The following PXK variants were observed in gnomAD, a reference collection of about 807,000 sequenced individuals.
The protein encoded by PXK is PX domain-containing protein kinase-like protein.
PXK carries 35 observed loss-of-function variants against 84.7 expected under a neutral mutation model. That is an observed-to-expected ratio of 0.41 (90% CI 0.32 to 0.55). PXK has a LOEUF of 0.55. Ranked by LOEUF, PXK falls within the 20% of genes least tolerant of loss-of-function variation. The pLI is 0.21. For missense variants in PXK, 634 were observed against 699.7 expected (o/e 0.91, Z 1.06); for synonymous variants, 253 against 260.8 (o/e 0.97, Z 0.29).
chr3:58,423,605 C>T (rs1310139137), intron 17 of PXK: 1 of 1,504,222 alleles, frequency 6.6e-7, no homozygotes, highest in African/African-American at 1.4e-5. Context: ...TCCATACAAA[C>T]TTAAGTAGGG....
chr3:58,360,392 T>C (rs76337401), intron 1 of PXK, among the ~76,000 whole-genome samples: 2,810 of 152,282 alleles, frequency 0.018, 102 homozygotes, highest in African/African-American at 0.064. Context: ...CAGGTTAACG[T>C]CTCATTTGGC....
intron 1 of PXK, among the ~76,000 whole-genome samples, chr3:58,361,283 A>G: frequency 7.0e-6 from 1 of 142,538 alleles, no homozygotes; most frequent in African/African-American, 2.6e-5. Flanking sequence ...GTGACAGAGC[A>G]AGACTCTGTC....
chr3:58,425,503 C>T lies in PXK; in HGVS notation c.*543C>T, dbSNP rs971755426. On this transcript the variant is annotated 3_prime_UTR_variant, in exon 18 of 18. Coordinates refer to ENST00000356151, the MANE Select transcript of PXK (RefSeq NM_017771.5). ...AAAGCAACTGAGTTCTTTGTTTTCT[C>T]CTCAAATAGAATGGGGAACGTTCAC... 18 of 155,280 alleles carry T rather than the reference C, an allele frequency of 1.2e-4. No individual in the cohort carries two copies. Among genetic ancestry groups the T allele is most frequent in the African/African-American group, 4.3e-4 (18 of 41,454 alleles). The allele number at this position is 155,280 out of a possible 1,614,324, so 9.6% of individuals were successfully genotyped here. A position where few individuals can be genotyped will look rare whatever the true frequency, so the allele number is the denominator to read the frequency against.
At chr3:58,354,901 C>G (rs1282756371) in intron 1 of PXK, among the ~76,000 whole-genome samples, 1 of 151,942 alleles carries the variant, frequency 6.6e-6, no homozygotes, top group Non-Finnish European at 1.5e-5. Context: ...GTGGGATCAC[C>G]TGAGGTCAGG....
chr3:58,421,427 A>C lies in PXK; in HGVS notation c.1529-3325A>C, dbSNP rs1365306672. ...GAAACCCCATCTGTACTAAAAATAC[A>C]AAAATTAGGTGGGCATGGTACCACG... On this transcript the variant is annotated intron_variant, in intron 17 of 17. Transcript: ENST00000356151. This position sits in a 1 kb window ranked among gnomAD's most constrained non-coding sequence, Gnocchi z 5.5. The C allele has an allele frequency of 1.2e-6, 1 of 820,392 alleles. No individual in the cohort carries two copies. The highest frequency in any genetic ancestry group is 1.9e-5 in the African/African-American group (1 of 53,628). 50.8% of individuals were successfully genotyped at this position (820,392 alleles called of 1,614,324 possible).
At chr3:58,349,097 G>A (rs1469976424) in intron 1 of PXK, among the ~76,000 whole-genome samples, 1 of 151,530 alleles carries the variant, frequency 6.6e-6, no homozygotes, top group African/African-American at 2.4e-5. Flanking sequence ...TGCCAGGCAT[G>A]GTAGCTCATG....
intron 17 of PXK, chr3:58,422,829 A>C (rs1442491857): frequency 1.0e-6 from 1 of 985,258 alleles, no homozygotes; most frequent in African/African-American, 1.7e-5. Flanking sequence ...CTGAGCCTTT[A>C]GTAGAACTCC....
chr3:58,361,117 C>T lies in PXK; in HGVS notation c.103-4757C>T, dbSNP rs1022996995. On this transcript the variant is annotated intron_variant, in intron 1 of 17. Transcript: ENST00000356151. ...TTAGAGACCAGCCGGGCCAAGGTGG[C>T]GAAACCCCGTCTCTACTAAAAATAC... Among the ~76,000 whole-genome samples the T allele has an allele frequency of 4.0e-5, 6 of 151,380 alleles. 1 individual carries two copies. Among genetic ancestry groups the T allele is most frequent in the South Asian group, 4.2e-4 (2 of 4,780 alleles).
intron 1 of PXK, among the ~76,000 whole-genome samples, chr3:58,341,119 T>TTAG (rs1372143907): frequency 6.6e-6 from 1 of 152,146 alleles, no homozygotes; most frequent in Non-Finnish European, 1.5e-5. Flanking sequence ...AACTTTTGAC[T>TTAG]TAGGAGTATG....
chr3:58,366,145 A>G (rs367746076), intron 2 of PXK, among the ~76,000 whole-genome samples: 136 of 152,226 alleles, frequency 8.9e-4, no homozygotes, highest in African/African-American at 3.2e-3. Flanking sequence ...ATTACTATGG[A>G]GGGTATCTAG....
At position 58,414,011 on chromosome 3, in the gene PXK, C is replaced by T. The variant is rs1380573856; in HGVS notation, c.1528+1048C>T. ...GCCTTACTGCTGAATGTTCTAGGGCCTGTTTTGGGTAGCAAAGTACCTGGT... is the reference window on the plus strand; with the variant it reads ...GCCTTACTGCTGAATGTTCTAGGGCTTGTTTTGGGTAGCAAAGTACCTGGT... On this transcript the variant is annotated intron_variant, in intron 17 of 17. Coordinates refer to ENST00000356151, the MANE Select transcript of PXK (RefSeq NM_017771.5). The surrounding 1 kb of genome is among the most constrained non-coding windows in gnomAD (Gnocchi z 4.5). 2 of 152,158 alleles carry T rather than the reference C, an allele frequency of 1.3e-5. No homozygotes were observed. Among genetic ancestry groups the T allele is most frequent in the Admixed American group, 6.5e-5 (1 of 15,270 alleles). 9.4% of individuals were successfully genotyped at this position (152,158 alleles called of 1,614,324 possible).
rs1380998103 is a variant in PXK at position 58,390,155 on chromosome 3, G to A, written c.389-427G>A. On this transcript the variant is annotated intron_variant, in intron 4 of 17. Transcript: ENST00000356151. This position sits in a 1 kb window ranked among gnomAD's most constrained non-coding sequence, Gnocchi z 4.2. Reference sequence around the variant, plus strand: ...ATTGTGCCACTGAGTTCCAGCCTGGGCAACAGAGTGAGACCCTATCTCAAA... The same window carrying A: ...ATTGTGCCACTGAGTTCCAGCCTGGACAACAGAGTGAGACCCTATCTCAAA... Among the ~76,000 whole-genome samples the A allele has an allele frequency of 1.3e-5, 2 of 152,068 alleles. No homozygotes were observed. The highest frequency in any genetic ancestry group is 1.9e-4 in the East Asian group (1 of 5,198).
At chr3:58,396,927 C>G in intron 9 of PXK, 112 bp from the exon 10 acceptor site, 1 of 1,149,490 alleles carries the variant, frequency 8.7e-7, no homozygotes, top group Non-Finnish European at 1.2e-6. Context: ...GGAATCTTCT[C>G]AGTGACCTGT....
rs1373190718 is a variant in PXK at position 58,401,111 on chromosome 3, C to A, written c.1181+1734C>A. On this transcript the variant is annotated intron_variant, in intron 12 of 17. Coordinates refer to ENST00000356151, the MANE Select transcript of PXK (RefSeq NM_017771.5). This position sits in a 1 kb window ranked among gnomAD's most constrained non-coding sequence, Gnocchi z 4.4. Reference sequence around the variant, plus strand: ...TCAGTCTTCCAGTCCTTAAGTGAATCCAAATATTTTTTTCTTCACCTAAGT... The same window carrying A: ...TCAGTCTTCCAGTCCTTAAGTGAATACAAATATTTTTTTCTTCACCTAAGT... Among the ~76,000 whole-genome samples, 1 of 152,116 alleles carries A rather than the reference C, an allele frequency of 6.6e-6. No individual in the cohort carries two copies. The highest frequency in any genetic ancestry group is 1.5e-5 in the Non-Finnish European group (1 of 68,008).
rs545603013 is a variant in PXK, at chr3:58,420,645, C to T, written c.1529-4107C>T. 878 of 1,532,010 alleles carry T rather than the reference C, an allele frequency of 5.7e-4. 16 individuals are homozygous for T. The South Asian group carries it at 1.0e-2, about 17-fold the overall frequency. 94.9% of individuals were successfully genotyped at this position (1,532,010 alleles called of 1,614,324 possible). A position where few individuals can be genotyped will look rare whatever the true frequency, so the allele number is the denominator to read the frequency against. On this transcript the variant is annotated intron_variant, in intron 17 of 17. Transcript: ENST00000356151. ...GTGTGAAATAGGACCCAAAGTGTCT[C>T]GATTGCTGAAGTGATGAACAAGTGG...
At chr3:58,363,750 A>G (rs2098227207) in intron 1 of PXK, among the ~76,000 whole-genome samples, 1 of 151,992 alleles carries the variant, frequency 6.6e-6, no homozygotes, top group Non-Finnish European at 1.5e-5. Flanking sequence ...TTCTTTTCCT[A>G]TTTTTATTAC....
intron 1 of PXK, among the ~76,000 whole-genome samples, chr3:58,345,415 A>G (rs2097796966): frequency 6.6e-6 from 1 of 152,214 alleles, no homozygotes; most frequent in Non-Finnish European, 1.5e-5. Flanking sequence ...TGAACTATAT[A>G]TATTTTTAAA....
chr3:58,354,670 G>A (rs1182633230), intron 1 of PXK, among the ~76,000 whole-genome samples: 3 of 151,810 alleles, frequency 2.0e-5, no homozygotes, highest in Admixed American at 1.3e-4. Flanking sequence ...GGTTGGTCTC[G>A]AACTCCTGAC....
chr3:58,395,634 C>G (rs370348277), intron 8 of PXK, 24 bp from the exon 9 acceptor site: 2 of 1,555,228 alleles, frequency 1.3e-6, no homozygotes, highest in Non-Finnish European at 1.8e-6. Context: ...TGCTTTCTTA[C>G]GTGTTCTTTG....
Sources: allele counts gnomAD v4.1 joint callset (sites outside exome capture counted in the v4.1 genomes callset), GRCh38; gene constraint gnomAD v4.1.1; non-coding constraint Gnocchi (gnomAD v3.1); transcripts MANE v1.5; gene names NCBI Gene and HGNC (gene_info 2026-07-23, HGNC 2026-07-21).